Variants in ZNF223 observed in about 807,000 individuals in gnomAD.
The protein encoded by ZNF223 is zinc finger protein 223.
Under a neutral mutation model 12.3 loss-of-function variants are expected in ZNF223, and 9 were observed. The observed-to-expected ratio is 0.73, with a 90% CI of 0.44 to 1.28. The LOEUF is 1.28. Among genes scored for constraint, ZNF223 ranks in the 50% most tolerant of loss-of-function variants. The probability of loss-of-function intolerance (pLI) is 0.00; values close to 1 mark genes in which losing one functional copy is unlikely to be tolerated. For synonymous variants in ZNF223, 171 were observed against 195.2 expected, an observed-to-expected ratio of 0.88 and a Z score of 1.03; for missense variants, 506 against 579.0, an observed-to-expected ratio of 0.87 and a Z score of 1.29.
intron 2 of ZNF223, among the ~76,000 whole-genome samples, chr19:44,058,844 G>A (rs754181470): frequency 5.3e-5 from 8 of 152,244 alleles, no homozygotes; most frequent in Non-Finnish European, 1.0e-4. Flanking sequence ...GGAGCTAGCT[G>A]CACCTCCAGG....
At chr19:44,054,638 CA>C (rs796963317) in intron 1 of ZNF223, among the ~76,000 whole-genome samples, 59 of 152,202 alleles carry the variant, frequency 3.9e-4, no homozygotes, top group African/African-American at 1.3e-3. Context: ...GTGGGGTAAT[CA>C]TCATCATAAT....
chr19:44,064,413 CTG>C (rs1024353753), intron 4 of ZNF223, among the ~76,000 whole-genome samples: 1 of 152,098 alleles, frequency 6.6e-6, no homozygotes, highest in Admixed American at 6.5e-5. Flanking sequence ...TTGTCTGTCT[CTG>C]TACTCTTTCA....
intron 4 of ZNF223, 53 bp downstream of exon 4, chr19:44,060,894 T>A: frequency 6.7e-7 from 1 of 1,501,272 alleles, no homozygotes; most frequent in South Asian, 1.2e-5. Flanking sequence ...CTGTTTTACT[T>A]CTGTGCACGT....
Position 44,067,542 on chromosome 19 carries a change from C to T in ZNF223, c.*265C>T. 8.3e-6 allele frequency: 4 copies of T among 481,922 alleles called. No individual in the cohort carries two copies. In the East Asian group the frequency reaches 1.9e-4, roughly 23 times the overall value. 29.9% of individuals were successfully genotyped at this position (481,922 alleles called of 1,614,324 possible). ...GCCAACCTTTGGCCATCCCACCTAT[C>T]CCTTACCCTTCCCTGCCTCTAGAGC... is the stretch of plus-strand genomic sequence containing the variant. On this transcript the variant is annotated 3_prime_UTR_variant, in exon 5 of 5. Coordinates refer to ENST00000434772, the MANE Select transcript of ZNF223 (RefSeq NM_013361.6).
At chr19:44,061,211 C>T (rs930639135) in intron 4 of ZNF223, among the ~76,000 whole-genome samples, 2 of 152,206 alleles carry the variant, frequency 1.3e-5, no homozygotes, top group African/African-American at 4.8e-5. Flanking sequence ...TTCTGGCCAC[C>T]TTGTCATCCC....
At position 44,055,296 on chromosome 19, in the gene ZNF223, T is replaced by C; in HGVS notation, c.15+105T>C. On this transcript the variant is annotated intron_variant, in intron 2 of 4. Coordinates refer to ENST00000434772, the MANE Select transcript of ZNF223 (RefSeq NM_013361.6). ...AGACTCAAGGAGAACAGCAGGACTT[T>C]GAGGATCTCTTGTCACCTGGCTAAT... 3 of 1,288,864 alleles carry C rather than the reference T, an allele frequency of 2.3e-6. No individual in the cohort carries two copies. In the South Asian group the frequency reaches 3.7e-5, roughly 16 times the overall value. 79.8% of individuals were successfully genotyped at this position (1,288,864 alleles called of 1,614,324 possible).
intron 2 of ZNF223, chr19:44,060,248 T>C (rs12610472): frequency 0.84 from 699,795 of 837,036 alleles, 295,651 homozygotes; most frequent in Non-Finnish European, 0.88. Flanking sequence ...AAGACTTCTT[T>C]GTCGTTGGAC....
intron 2 of ZNF223, among the ~76,000 whole-genome samples, chr19:44,056,799 C>T (rs1271568682): frequency 1.3e-5 from 2 of 151,520 alleles, no homozygotes; most frequent in Non-Finnish European, 2.9e-5. Context: ...GGGGTTTCAC[C>T]GTGTTAGCCA....
At chr19:44,056,906 T>C (rs909608276) in intron 2 of ZNF223, among the ~76,000 whole-genome samples, 2 of 152,042 alleles carry the variant, frequency 1.3e-5, no homozygotes, top group African/African-American at 4.8e-5. Context: ...GCCTCACACA[T>C]TGTTACCAGA....
chr19:44,062,202 C>A (rs1475953660), intron 4 of ZNF223, among the ~76,000 whole-genome samples: 1 of 152,092 alleles, frequency 6.6e-6, no homozygotes, highest in Non-Finnish European at 1.5e-5. Context: ...CCCTTGGAAG[C>A]CATAGGGGTT....
chr19:44,057,061 A>T (rs1976779210), intron 2 of ZNF223, among the ~76,000 whole-genome samples: 1 of 152,252 alleles, frequency 6.6e-6, no homozygotes, highest in Non-Finnish European at 1.5e-5. Context: ...TAAAAGAAGA[A>T]ATAGAGATCG....
Position 44,060,756 on chromosome 19 carries a change from A to G in ZNF223, c.150A>G (p.Gln50=), listed in dbSNP as rs1976826773. ...NFRNLLSVGH[Q]PFHRDTFHFL... ...GACTTTTCCTGTTTACAGGGCATCA[A>G]CCATTCCACCGAGATACTTTCCACT... Residue 50 remains glutamine (Q), a synonymous_variant, in exon 4 of 5, where the codon CAA becomes CAG. Coordinates refer to ENST00000434772, the MANE Select transcript of ZNF223 (RefSeq NM_013361.6). 1.9e-6 allele frequency: 3 copies of G among 1,613,102 alleles called. No homozygotes were observed. Among genetic ancestry groups the G allele is most frequent in the East Asian group, 2.2e-5 (1 of 44,818 alleles).
chr19:44,057,332 T>G (rs1351617252), intron 2 of ZNF223, among the ~76,000 whole-genome samples: 1 of 152,230 alleles, frequency 6.6e-6, no homozygotes, highest in East Asian at 1.9e-4. Flanking sequence ...GAAATTATTT[T>G]AAATGAGACA....
chr19:44,053,466 T>A (rs1976726702), intron 1 of ZNF223, among the ~76,000 whole-genome samples: 1 of 152,208 alleles, frequency 6.6e-6, no homozygotes, highest in Non-Finnish European at 1.5e-5. Context: ...TACACAAACA[T>A]CTCAGTGCAG....
At chr19:44,053,581 C>T (rs188487609) in intron 1 of ZNF223, among the ~76,000 whole-genome samples, 9 of 152,322 alleles carry the variant, frequency 5.9e-5, no homozygotes, top group South Asian at 2.1e-4. Flanking sequence ...CGAGACATTC[C>T]ATTCCCAGGG....
Position 44,067,167 on chromosome 19 carries a change from C to T in ZNF223, c.1339C>T (p.Gln447Ter), listed in dbSNP as rs1976931592. 3 of 1,611,386 alleles carry T rather than the reference C, an allele frequency of 1.9e-6. No individual in the cohort carries two copies. In the African/African-American group the frequency reaches 4.0e-5, roughly 22 times the overall value. ...LVYRSYRKDQQKNHSGENPSK... is the reference protein window; with the variant it reads ...LVYRSYRKDQ ...ATACCGGTCATACCGTAAAGACCAA[C>T]AAAAAAACCACAGTGGAGAAAATCC... The change falls in exon 5 of 5, where the codon CAA becomes TAA. Residue 447 changes from glutamine (Q) to a stop codon, truncating the protein, a stop_gained. Transcript: ENST00000434772. LOFTEE classifies it low-confidence loss of function (END_TRUNC).
rs547664867 is a variant in ZNF223 at position 44,055,057 on chromosome 19, A to C, written c.-68-52A>C. On this transcript the variant is annotated intron_variant, in intron 1 of 4. Transcript: ENST00000434772. ...ATATGAGTCCTTGTTGGTGGGTGAC[A>C]TCCCTGGCCACCCTTTCATGTCTCT... 47 of 913,532 alleles carry C rather than the reference A, an allele frequency of 5.1e-5. No homozygotes were observed. In the African/African-American group the frequency reaches 6.5e-4, roughly 13 times the overall value. The allele number at this position is 913,532 out of a possible 1,614,324, so 56.6% of individuals were successfully genotyped here. A position where few individuals can be genotyped will look rare whatever the true frequency, so the allele number is the denominator to read the frequency against.
chr19:44,053,939 C>T (rs1428245391), intron 1 of ZNF223, among the ~76,000 whole-genome samples: 1 of 152,204 alleles, frequency 6.6e-6, no homozygotes, highest in Admixed American at 6.5e-5. Context: ...GTCAATACAA[C>T]ACATGTTTCT....
At chr19:44,054,651 C>T (rs1976742369) in intron 1 of ZNF223, among the ~76,000 whole-genome samples, 1 of 152,094 alleles carries the variant, frequency 6.6e-6, no homozygotes, top group Non-Finnish European at 1.5e-5. Context: ...CATCATAATT[C>T]AGCCGAGATC....
Sources: allele counts gnomAD v4.1 joint callset (sites outside exome capture counted in the v4.1 genomes callset), GRCh38; gene constraint gnomAD v4.1.1; transcripts MANE v1.5; gene names NCBI Gene and HGNC (gene_info 2026-07-23, HGNC 2026-07-21).